SCAPER: variants seen among roughly 807,000 people sequenced by gnomAD.
SCAPER encodes S-phase cyclin A associated protein in the ER.
SCAPER carries 98 observed loss-of-function variants against 182.2 expected under a neutral mutation model. That is an observed-to-expected ratio of 0.54 (90% confidence interval 0.46 to 0.64). The LOEUF is 0.64. Ranked by LOEUF, SCAPER falls within the 30% of genes least tolerant of loss-of-function variation. SCAPER has a pLI of 0.00. For synonymous variants in SCAPER, 605 were observed against 564.6 expected (o/e 1.07, Z -1.01); for missense variants, 1,432 against 1,690.0 (o/e 0.85, Z 2.68).
At chr15:76,825,615 G>A (rs2067946781) in intron 5 of SCAPER, among the ~76,000 whole-genome samples, 1 of 152,152 alleles carries the variant, frequency 6.6e-6, no homozygotes, top group Non-Finnish European at 1.5e-5. Context: ...TTCCAAAATT[G>A]TAAATTGACT....
At chr15:76,551,964 T>C (rs548638043) in intron 23 of SCAPER, among the ~76,000 whole-genome samples, 5 of 151,742 alleles carry the variant, frequency 3.3e-5, no homozygotes, top group East Asian at 3.9e-4. Context: ...GTAGCCTCCA[T>C]AGCCCTGTGA....
intron 27 of SCAPER, among the ~76,000 whole-genome samples, chr15:76,385,685 CA>C (rs1171314675): frequency 6.6e-6 from 1 of 152,150 alleles, no homozygotes; most frequent in Non-Finnish European, 1.5e-5. Context: ...CAACATCATT[CA>C]TCAGGGTTTA....
At chr15:76,545,149 A>AT (rs1249598772) in intron 23 of SCAPER, among the ~76,000 whole-genome samples, 1 of 152,080 alleles carries the variant, frequency 6.6e-6, no homozygotes, top group Non-Finnish European at 1.5e-5. Flanking sequence ...GAATTCACGG[A>AT]TTTTTATATC....
At chr15:76,662,714 T>A (rs574402320) in intron 21 of SCAPER, among the ~76,000 whole-genome samples, 5 of 152,246 alleles carry the variant, frequency 3.3e-5, no homozygotes, top group African/African-American at 1.2e-4. Context: ...CTAAGCCATA[T>A]GGAAAAGAAA....
In SCAPER at chr15:76,612,743, T is replaced by A. The variant is rs1215564370; in HGVS notation, c.2711+9021A>T. Among the ~76,000 whole-genome samples the A allele has an allele frequency of 2.0e-5, 3 of 152,280 alleles. No individual in the cohort carries two copies. The East Asian group carries it at 5.8e-4, about 29-fold the overall frequency. ...GGTAAAATATCTCTACAAGGAGAAC[T>A]GCAAACCACTGCTCAAAGAAATCAG... On this transcript the variant is annotated intron_variant, in intron 22 of 31. Transcript: ENST00000563290.
chr15:76,769,961 C>A (rs2063356953), intron 10 of SCAPER, among the ~76,000 whole-genome samples: 1 of 152,216 alleles, frequency 6.6e-6, no homozygotes, highest in East Asian at 1.9e-4. Context: ...ACCCAAATGT[C>A]CATCAATGAT....
rs548855668 is a variant in SCAPER, at chr15:76,498,939, A to G, written c.2954+5920T>C. Among the ~76,000 whole-genome samples, 4 of 152,328 alleles carry G rather than the reference A, an allele frequency of 2.6e-5. No homozygotes were observed. The East Asian group carries it at 7.7e-4, about 29-fold the overall frequency. ...ATAGGCAGATAAATGCATATACTGT[A>G]AAGAAATAAAAAGCAACTTTACTGA... On this transcript the variant is annotated intron_variant, in intron 24 of 31. Transcript: ENST00000563290.
In SCAPER at chr15:76,795,319, A is replaced by T. The variant is rs1226529181; in HGVS notation, c.733T>A (p.Cys245Ser). 6.2e-7 allele frequency: 1 copy of T among 1,613,228 alleles called. No individual in the cohort carries two copies. The highest frequency in any genetic ancestry group is 2.2e-5 in the East Asian group (1 of 44,864). ...ASSEITPAQS[C>S]PPMTVQKASR... The stretch of plus-strand genomic sequence containing the variant: ...GCCTTCTGCACTGTCATTGGTGGGC[A>T]AGACTGGGCGGGTGTTATTTCTGAA... The change falls in exon 8 of 32, where the codon TGC (cysteine) becomes AGC (serine). Residue 245 changes from cysteine to serine, a missense_variant. By Grantham distance (112) the Cys-to-Ser change is moderately radical. Transcript: ENST00000563290.
chr15:76,658,603 G>C (rs2055867584), intron 21 of SCAPER, among the ~76,000 whole-genome samples: 1 of 152,100 alleles, frequency 6.6e-6, no homozygotes, highest in Non-Finnish European at 1.5e-5. Context: ...CCAGTAGCCA[G>C]AGCAATCCTA....
At chr15:76,403,424 T>G (rs1442985332) in intron 27 of SCAPER, among the ~76,000 whole-genome samples, 1 of 152,152 alleles carries the variant, frequency 6.6e-6, no homozygotes. Context: ...CAGTCTTAAT[T>G]TTATTAGAAC....
At chr15:76,624,363 A>G (rs993935547) in intron 21 of SCAPER, among the ~76,000 whole-genome samples, 2 of 152,236 alleles carry the variant, frequency 1.3e-5, no homozygotes, top group Non-Finnish European at 1.5e-5. Context: ...AGATCTCTAC[A>G]AGGAGGACTA....
chr15:76,775,882 A>G (rs2063716629), intron 8 of SCAPER, among the ~76,000 whole-genome samples: 1 of 152,202 alleles, frequency 6.6e-6, no homozygotes, highest in African/African-American at 2.4e-5. Flanking sequence ...AAATATGACA[A>G]TGTTGAGGTA....
chr15:76,412,537 C>T (rs2957611), intron 26 of SCAPER, among the ~76,000 whole-genome samples: 15,876 of 151,924 alleles, frequency 0.1, 997 homozygotes, highest in African/African-American at 0.18. Flanking sequence ...ATCAGCTCCC[C>T]CACCCCAAAT....
chr15:76,729,989 C>T (rs540813484), intron 16 of SCAPER, among the ~76,000 whole-genome samples: 8 of 152,214 alleles, frequency 5.3e-5, no homozygotes, highest in Admixed American at 1.3e-4. Flanking sequence ...CTAGTACCTA[C>T]TACTTACATA....
Position 76,595,606 on chromosome 15 carries a change from C to T in SCAPER, c.2712-21322G>A, listed in dbSNP as rs940564642. On this transcript the variant is annotated intron_variant, in intron 22 of 31. Transcript: ENST00000563290. ...AAATGCAAAAGAACAGAAATCATAA[C>T]AAACAGTCTCTCAGACCACAGCACA... is the stretch of plus-strand genomic sequence containing the variant. 2.5e-5 allele frequency among the ~76,000 whole-genome samples: 3 copies of T among 121,810 alleles called. 1 individual carries two copies. The highest frequency in any genetic ancestry group is 1.9e-4 in the Admixed American group (2 of 10,710). 79.9% of individuals were successfully genotyped at this position (121,810 alleles called of 152,430 possible).
chr15:76,772,493 C>T (rs549214107), intron 9 of SCAPER, among the ~76,000 whole-genome samples: 146 of 152,048 alleles, frequency 9.6e-4, no homozygotes, highest in African/African-American at 3.3e-3. Context: ...CTCAAAGTAT[C>T]TTTGTTAAAA....
chr15:76,870,665 T>TA (rs1161184145), intron 2 of SCAPER, among the ~76,000 whole-genome samples: 1 of 151,944 alleles, frequency 6.6e-6, no homozygotes, highest in African/African-American at 2.4e-5. Flanking sequence ...GTGAATTAGT[T>TA]AGACTAAAAT....
At chr15:76,409,564 C>T (rs1019474550) in intron 26 of SCAPER, among the ~76,000 whole-genome samples, 1 of 151,850 alleles carries the variant, frequency 6.6e-6, no homozygotes, top group Admixed American at 6.6e-5. Flanking sequence ...CAAGCCCAAA[C>T]TTCACCATTA....
chr15:76,659,227 A>G (rs2055917302), intron 21 of SCAPER, among the ~76,000 whole-genome samples: 1 of 152,198 alleles, frequency 6.6e-6, no homozygotes. Context: ...CAAATTTACA[A>G]GCAAAAAACC....
Sources: allele counts gnomAD v4.1 joint callset (sites outside exome capture counted in the v4.1 genomes callset), GRCh38; gene constraint gnomAD v4.1.1; transcripts MANE v1.5; gene names NCBI Gene and HGNC (gene_info 2026-07-23, HGNC 2026-07-21).